KALRN: variants seen among roughly 807,000 people sequenced by gnomAD.
The protein encoded by KALRN is kalirin.
KALRN carries 70 observed loss-of-function variants against 353.7 expected under a neutral mutation model. The ratio of observed to expected loss-of-function variants is 0.20; its 90% confidence interval spans 0.16 to 0.24. The LOEUF (loss-of-function observed/expected upper bound fraction) is 0.24, where lower values mean the gene tolerates loss of function less well. KALRN is among the 10% of genes least tolerant of loss of function. The pLI, the probability that KALRN is intolerant of heterozygous loss-of-function variation, is 1.00. For synonymous variants in KALRN, 1,391 were observed against 1,434.8 expected (o/e 0.97, Z 0.69); for missense variants, 2,791 against 3,756.7 (o/e 0.74, Z 6.72).
At chr3:124,649,415 T>C (rs1578650602) in intron 37 of KALRN, among the ~76,000 whole-genome samples, 1 of 152,284 alleles carries the variant, frequency 6.6e-6, no homozygotes, top group South Asian at 2.1e-4. Context: ...GCTAATGTTT[T>C]CAAAAACTAC....
rs543645846 is a variant in KALRN, at chr3:124,586,001, T to G, written c.5182+22912T>G. 2.6e-5 allele frequency among the ~76,000 whole-genome samples: 4 copies of G among 152,168 alleles called. No individual in the cohort carries two copies. In the East Asian group the frequency reaches 7.7e-4, roughly 29 times the overall value. On this transcript the variant is annotated intron_variant, in intron 34 of 59. Coordinates refer to ENST00000682506, the MANE Select transcript of KALRN (RefSeq NM_001388419.1). ...AGAAATTTTCTATCCTGAGCAGATA[T>G]AAGGTTACCAAAACTAATTAAATCT...
chr3:124,040,395 C>T (rs1336035869), intron 1 of KALRN, among the ~76,000 whole-genome samples: 3 of 152,144 alleles, frequency 2.0e-5, no homozygotes, highest in African/African-American at 7.2e-5. Context: ...CAATTCTCCC[C>T]TCCCACCCCC....
chr3:124,551,562 C>T (rs1026452303), intron 33 of KALRN, among the ~76,000 whole-genome samples: 1 of 152,198 alleles, frequency 6.6e-6, no homozygotes, highest in South Asian at 2.1e-4. Flanking sequence ...GCTAAGCGGG[C>T]GTGAAGATGT....
At chr3:124,560,375 G>A (rs1423817289) in intron 33 of KALRN, among the ~76,000 whole-genome samples, 1 of 152,264 alleles carries the variant, frequency 6.6e-6, no homozygotes, top group Non-Finnish European at 1.5e-5. Context: ...AGGTGCAGAA[G>A]CTCAGTGATA....
chr3:124,540,727 G>A (rs2068945667), intron 33 of KALRN, among the ~76,000 whole-genome samples: 1 of 152,168 alleles, frequency 6.6e-6, no homozygotes, highest in African/African-American at 2.4e-5. Flanking sequence ...CTCTATCATG[G>A]TGCTGTGAAG....
chr3:124,193,014 T>G (rs188855665), intron 1 of KALRN, among the ~76,000 whole-genome samples: 26 of 152,342 alleles, frequency 1.7e-4, no homozygotes, highest in Middle Eastern at 3.4e-3. Context: ...TGTCAGCATA[T>G]GTACTTCTAT....
chr3:124,608,884 T>C (rs1319193581), intron 34 of KALRN, among the ~76,000 whole-genome samples: 2 of 152,094 alleles, frequency 1.3e-5, no homozygotes, highest in Non-Finnish European at 2.9e-5. Context: ...AAATCATACG[T>C]GGGGTTCTTT....
chr3:124,492,661 A>G lies in KALRN; in HGVS notation c.4690-79A>G, dbSNP rs1277830135. 5.7e-6 allele frequency: 8 copies of G among 1,394,878 alleles called. No individual in the cohort carries two copies. The East Asian group carries it at 1.8e-4, about 32-fold the overall frequency. The allele number at this position is 1,394,878 out of a possible 1,614,324, so 86.4% of individuals were successfully genotyped here. On this transcript the variant is annotated intron_variant, in intron 31 of 59. Transcript: ENST00000682506. ...GAATCCTTGAAAATAACAGATGAAGACTGCAGGAGGGTTGAGAACTGTTTT... is the reference window on the plus strand; with the variant it reads ...GAATCCTTGAAAATAACAGATGAAGGCTGCAGGAGGGTTGAGAACTGTTTT...
chr3:124,206,910 T>G (rs565460705), intron 1 of KALRN, among the ~76,000 whole-genome samples: 1 of 152,324 alleles, frequency 6.6e-6, no homozygotes, highest in East Asian at 1.9e-4. Flanking sequence ...TTTTTGTCAC[T>G]TGCCTACATG....
At chr3:124,265,058 A>G (rs1212364891) in intron 4 of KALRN, among the ~76,000 whole-genome samples, 1 of 152,166 alleles carries the variant, frequency 6.6e-6, no homozygotes, top group Non-Finnish European at 1.5e-5. Context: ...TTTTGGGTAC[A>G]TGTGACATTT....
At chr3:124,701,265 C>T (rs1488530713) in intron 56 of KALRN, among the ~76,000 whole-genome samples, 1 of 152,184 alleles carries the variant, frequency 6.6e-6, no homozygotes, top group Non-Finnish European at 1.5e-5. Flanking sequence ...GGTAATACTG[C>T]CAAAGAATCT....
intron 1 of KALRN, among the ~76,000 whole-genome samples, chr3:124,135,653 C>T (rs994180677): frequency 3.3e-5 from 5 of 151,800 alleles, no homozygotes; most frequent in South Asian, 2.1e-4. Flanking sequence ...TTAAGGACAG[C>T]GAATCAAGAT....
intron 33 of KALRN, among the ~76,000 whole-genome samples, chr3:124,536,518 T>C (rs2068536002): frequency 6.6e-6 from 1 of 152,204 alleles, no homozygotes; most frequent in Non-Finnish European, 1.5e-5. Context: ...CTATTTTGTA[T>C]TACCAGAAAA....
At chr3:124,672,724 G>T (rs1284181099) in intron 48 of KALRN, among the ~76,000 whole-genome samples, 3 of 152,356 alleles carry the variant, frequency 2.0e-5, no homozygotes, top group South Asian at 2.1e-4. Flanking sequence ...GAACAGGAGA[G>T]AAATGGGAAA....
At chr3:124,174,743 C>T (rs1340277496) in intron 1 of KALRN, among the ~76,000 whole-genome samples, 1 of 152,212 alleles carries the variant, frequency 6.6e-6, no homozygotes, top group Non-Finnish European at 1.5e-5. Context: ...CTGTCCAGGC[C>T]CCTTGTCAAT....
intron 21 of KALRN, among the ~76,000 whole-genome samples, chr3:124,449,863 G>A (rs182412301): frequency 3.3e-5 from 2 of 59,882 alleles, no homozygotes; most frequent in East Asian, 2.1e-4. Flanking sequence ...CATGCTATTC[G>A]CATGTATCAA....
At chr3:124,089,444 C>G (rs1235606951) in intron 1 of KALRN, among the ~76,000 whole-genome samples, 2 of 151,992 alleles carry the variant, frequency 1.3e-5, no homozygotes, top group Non-Finnish European at 2.9e-5. Flanking sequence ...AGCCAAACCT[C>G]CTGGGGGGTG....
chr3:124,060,660 G>A (rs1398931277), intron 1 of KALRN, among the ~76,000 whole-genome samples: 1 of 152,226 alleles, frequency 6.6e-6, no homozygotes, highest in East Asian at 1.9e-4. Flanking sequence ...CTTAGAGGAG[G>A]CAACCTCCAA....
chr3:124,455,402 C>T, intron 22 of KALRN, 43 bp downstream of exon 22: 1 of 1,568,660 alleles, frequency 6.4e-7, no homozygotes, highest in Non-Finnish European at 8.7e-7. Context: ...CCCTTCTCAT[C>T]TCCCTGAGCA....
Sources: gnomAD v4.1 joint callset for allele counts (sites outside exome capture counted in the v4.1 genomes callset) on GRCh38, gnomAD v4.1.1 for gene constraint, MANE v1.5 for transcripts, NCBI Gene and HGNC (gene_info 2026-07-23, HGNC 2026-07-21) for gene names.